The following MBNL1 variants were observed in gnomAD, a reference collection of about 807,000 sequenced individuals.
MBNL1 encodes the protein muscleblind-like protein 1.
A neutral mutation model predicts 42.2 loss-of-function variants in MBNL1; 8 were observed. That is an observed-to-expected ratio of 0.19 (90% confidence interval 0.11 to 0.34). MBNL1 has a LOEUF of 0.34. Among genes scored for constraint, MBNL1 ranks in the 10% least tolerant of loss-of-function variants. The pLI, the probability that MBNL1 is intolerant of heterozygous loss-of-function variation, is 1.00. For missense variants in MBNL1, 309 were observed against 495.3 expected (o/e 0.62, Z 3.57); for synonymous variants, 169 against 173.9 (o/e 0.97, Z 0.22).
chr3:152,399,575 C>A (rs1336965104), intron 2 of MBNL1, among the ~76,000 whole-genome samples: 2 of 151,682 alleles, frequency 1.3e-5, no homozygotes, highest in Non-Finnish European at 2.9e-5. Context: ...TATAGTAGTG[C>A]AATCATGACT....
At chr3:152,252,167 C>CCTTCCTTCCTTG (rs2034694258) in intron 2 of MBNL1, among the ~76,000 whole-genome samples, 1 of 146,472 alleles carries the variant, frequency 6.8e-6, no homozygotes, top group Non-Finnish European at 1.5e-5. Context: ...TTCCTTCCTT[C>CCTTCCTTCCTTG]CTTCCTTCCT....
chr3:152,399,518 ATT>A (rs879464935), intron 2 of MBNL1, among the ~76,000 whole-genome samples: 1 of 147,058 alleles, frequency 6.8e-6, no homozygotes. Context: ...TTAATTAATT[ATT>A]TTTTTTTTTT....
intron 2 of MBNL1, among the ~76,000 whole-genome samples, chr3:152,330,605 G>A (rs984465797): frequency 6.6e-6 from 1 of 152,124 alleles, no homozygotes; most frequent in South Asian, 2.1e-4. Flanking sequence ...TGGAAATGCA[G>A]TACAGAATGC....
chr3:152,370,006 C>T (rs1288284815), intron 2 of MBNL1, among the ~76,000 whole-genome samples: 1 of 152,108 alleles, frequency 6.6e-6, no homozygotes, highest in African/African-American at 2.4e-5. Context: ...GTCTTTATCT[C>T]CTTTGGTTCT....
intron 2 of MBNL1, among the ~76,000 whole-genome samples, chr3:152,376,686 G>A (rs757218464): frequency 6.6e-6 from 1 of 152,112 alleles, no homozygotes; most frequent in Non-Finnish European, 1.5e-5. Flanking sequence ...AGGAATAAGA[G>A]CTGCTGTAAA....
chr3:152,291,975 A>G (rs1240169608), intron 1 of MBNL1, among the ~76,000 whole-genome samples: 1 of 152,038 alleles, frequency 6.6e-6, no homozygotes, highest in Non-Finnish European at 1.5e-5. Context: ...TTCTGTAGAG[A>G]TGGGGTCTCA....
At chr3:152,381,449 A>C (rs1319018985) in intron 2 of MBNL1, among the ~76,000 whole-genome samples, 1 of 152,050 alleles carries the variant, frequency 6.6e-6, no homozygotes, top group African/African-American at 2.4e-5. Flanking sequence ...ATTCCTATTT[A>C]CAGTTAAAAT....
intron 2 of MBNL1, among the ~76,000 whole-genome samples, chr3:152,380,788 C>T (rs921891728): frequency 2.6e-5 from 4 of 151,990 alleles, no homozygotes; most frequent in African/African-American, 9.7e-5. Context: ...TGCCACTACA[C>T]ATTTTTCTAA....
chr3:152,364,375 A>G (rs1215193611), intron 2 of MBNL1, among the ~76,000 whole-genome samples: 1 of 152,084 alleles, frequency 6.6e-6, no homozygotes, highest in Non-Finnish European at 1.5e-5. Context: ...TGTACTTGCT[A>G]GTAAAACACT....
chr3:152,325,087 G>GCCCCCCCCCCC (rs532842950), intron 2 of MBNL1, among the ~76,000 whole-genome samples: 2 of 15,380 alleles, frequency 1.3e-4, no homozygotes, highest in African/African-American at 2.4e-4. Context: ...CCACATACCC[G>GCCCCCCCCCCC]CCCCCCCCCG....
chr3:152,379,164 A>T (rs2097066393), intron 2 of MBNL1, among the ~76,000 whole-genome samples: 1 of 152,196 alleles, frequency 6.6e-6, no homozygotes, highest in Non-Finnish European at 1.5e-5. Flanking sequence ...TTGTCATATA[A>T]AGTCACCACT....
intron 4 of MBNL1, among the ~76,000 whole-genome samples, chr3:152,442,454 A>G (rs2099157391): frequency 6.6e-6 from 1 of 152,250 alleles, no homozygotes; most frequent in Non-Finnish European, 1.5e-5. Context: ...GAGAAGAGAA[A>G]AATGAACCAC....
intron 2 of MBNL1, among the ~76,000 whole-genome samples, chr3:152,379,165 A>C (rs2097066575): frequency 1.3e-5 from 2 of 152,206 alleles, no homozygotes; most frequent in African/African-American, 4.8e-5. Context: ...TGTCATATAA[A>C]GTCACCACTG....
At chr3:152,268,568 T>C (rs1048010217), upstream of MBNL1, 6 of 351,324 alleles carry the variant, frequency 1.7e-5, no homozygotes, top group Non-Finnish European at 3.4e-5. Context: ...GCGTCCGGTC[T>C]GCACGCCCGC....
intron 2 of MBNL1, among the ~76,000 whole-genome samples, chr3:152,351,043 A>G (rs1204373251): frequency 6.6e-6 from 1 of 152,050 alleles, no homozygotes; most frequent in African/African-American, 2.4e-5. Context: ...CAAGTCCTCA[A>G]TTTCTAATGA....
chr3:152,285,718 G>T (rs1288581568), intron 1 of MBNL1, among the ~76,000 whole-genome samples: 2 of 150,488 alleles, frequency 1.3e-5, no homozygotes, highest in Admixed American at 6.6e-5. Context: ...GGCCTCCCGG[G>T]CTCAAACAAT....
intron 2 of MBNL1, among the ~76,000 whole-genome samples, chr3:152,247,049 A>G (rs1030159558): frequency 6.6e-6 from 1 of 152,178 alleles, no homozygotes; most frequent in Non-Finnish European, 1.5e-5. Flanking sequence ...CTTCCAAAAG[A>G]ACATTGAAAG....
chr3:152,439,777 G>C (rs1426005968), intron 4 of MBNL1, among the ~76,000 whole-genome samples: 1 of 152,094 alleles, frequency 6.6e-6, no homozygotes, highest in Admixed American at 6.5e-5. Context: ...TGAGCAGGGA[G>C]GTTGAGGCTG....
chr3:152,442,771 C>G (rs2099161191), intron 4 of MBNL1, among the ~76,000 whole-genome samples: 1 of 152,138 alleles, frequency 6.6e-6, no homozygotes, highest in Non-Finnish European at 1.5e-5. Context: ...AGTTCATGTT[C>G]CCATAGGTAC....
Sources: allele counts gnomAD v4.1 joint callset (sites outside exome capture counted in the v4.1 genomes callset), GRCh38; gene constraint gnomAD v4.1.1; transcripts MANE v1.5; gene names NCBI Gene and HGNC (gene_info 2026-07-23, HGNC 2026-07-21).